The following PTPN21 variants were observed in gnomAD, a reference collection of about 807,000 sequenced individuals.
PTPN21 encodes the protein protein tyrosine phosphatase non-receptor type 21, also known as tyrosine-protein phosphatase non-receptor type 21.
A neutral mutation model predicts 131.8 loss-of-function variants in PTPN21; 77 were observed. That is an observed-to-expected ratio of 0.58 (90% CI 0.49 to 0.71). The LOEUF (loss-of-function observed/expected upper bound fraction) is 0.71, where lower values mean the gene tolerates loss of function less well. Ranked by LOEUF, PTPN21 falls within the 30% of genes least tolerant of loss-of-function variation. PTPN21 has a pLI of 0.00. For missense variants in PTPN21, 1,552 were observed against 1,527.1 expected (o/e 1.02, Z -0.27); for synonymous variants, 715 against 621.3 (o/e 1.15, Z -2.24).
chr14:88,505,154 G>A, intron 5 of PTPN21, 150 bp downstream of exon 5: 4 of 617,590 alleles, frequency 6.5e-6, no homozygotes, highest in Non-Finnish European at 1.1e-5. Context: ...AGGGAAAGCA[G>A]TCACACTTGA....
chr14:88,473,645 C>A lies in PTPN21; in HGVS notation c.2649+20G>T. The A allele has an allele frequency of 6.3e-7, 1 of 1,599,270 alleles. No homozygotes were observed. Among genetic ancestry groups the A allele is most frequent in the Non-Finnish European group, 8.5e-7 (1 of 1,176,418 alleles). ...GGTTGTTCCAGAGAAGGCACAAAGC[C>A]CTGTGTGTCCCATACATACCCTTTC... On this transcript the variant is annotated intron_variant, in intron 14 of 18. Transcript: ENST00000556564.
chr14:88,554,862 G>C lies in PTPN21; in HGVS notation c.-414C>G, dbSNP rs1437521057. 1 of 152,240 alleles carries C rather than the reference G, an allele frequency of 6.6e-6. No individual in the cohort carries two copies. The highest frequency in any genetic ancestry group is 1.9e-4 in the East Asian group (1 of 5,188). The allele number at this position is 152,240 out of a possible 1,614,324, so 9.4% of individuals were successfully genotyped here. On this transcript the variant is annotated 5_prime_UTR_variant, in exon 1 of 19. Transcript: ENST00000556564. ...CAGAGTCCGGCGGTGGCGACGGCGA[G>C]GGGCGAGGCCTGGAGGTGGGACCGG...
chr14:88,531,572 C>CA (rs1465000507), intron 2 of PTPN21, among the ~76,000 whole-genome samples: 3 of 151,842 alleles, frequency 2.0e-5, no homozygotes, highest in South Asian at 2.1e-4. Context: ...AACAAACAAA[C>CA]AAAAAACCTC....
intron 3 of PTPN21, chr14:88,512,390 G>T (rs2078199220): frequency 6.6e-6 from 1 of 151,910 alleles, no homozygotes; most frequent in Admixed American, 6.6e-5. Flanking sequence ...TCCAAACAAG[G>T]TCTACAGATT....
Position 88,501,340 on chromosome 14 carries a change from G to A in PTPN21, c.616C>T (p.Leu206=). 1 of 1,614,028 alleles carries A rather than the reference G, an allele frequency of 6.2e-7. No homozygotes were observed. The highest frequency in any genetic ancestry group is 8.5e-7 in the Non-Finnish European group (1 of 1,179,930). Residue 206 remains leucine, a synonymous_variant, in exon 7 of 19, where the codon CTG becomes TTG. Transcript: ENST00000556564. ...ATTCTCTCTACCTCCTGCATGTACA[G>A]CATTTCAGCATCAGGAGCTGTGAGC... ...RGLTAPDAEM[L]YMQEVERMDG...
intron 3 of PTPN21, among the ~76,000 whole-genome samples, chr14:88,510,031 G>A (rs1039613518): frequency 6.6e-6 from 1 of 152,136 alleles, no homozygotes; most frequent in Non-Finnish European, 1.5e-5. Flanking sequence ...GAGAGAGTCT[G>A]TCTCAAAACA....
At chr14:88,473,491 TAA>T (rs568942425) in intron 14 of PTPN21, among the ~76,000 whole-genome samples, 172 bp downstream of exon 14, 192 of 152,270 alleles carry the variant, frequency 1.3e-3, no homozygotes, top group African/African-American at 4.4e-3. Context: ...AATTATCTAT[TAA>T]GACATTAGCT....
At chr14:88,486,674 T>C (rs2077738080) in intron 10 of PTPN21, among the ~76,000 whole-genome samples, 1 of 152,092 alleles carries the variant, frequency 6.6e-6, no homozygotes, top group East Asian at 1.9e-4. Flanking sequence ...GTTTTGAATA[T>C]ACTTTTTAAA....
intron 2 of PTPN21, among the ~76,000 whole-genome samples, chr14:88,538,922 T>G (rs543633197): frequency 6.6e-6 from 1 of 152,330 alleles, no homozygotes; most frequent in South Asian, 2.1e-4. Context: ...CAAAAGTGTC[T>G]CATGCAAACA....
intron 2 of PTPN21, among the ~76,000 whole-genome samples, chr14:88,522,161 T>C (rs1469604739): frequency 1.3e-5 from 2 of 152,118 alleles, no homozygotes; most frequent in East Asian, 3.9e-4. Context: ...GCGTGGTGGA[T>C]TGTGCCTGTA....
chr14:88,551,775 C>G (rs1443215739), intron 1 of PTPN21: 1 of 152,466 alleles, frequency 6.6e-6, no homozygotes, highest in Admixed American at 6.5e-5. Context: ...CACCTGGGCT[C>G]AAGCGATCCT....
At position 88,485,081 on chromosome 14, in the gene PTPN21, G is replaced by T; in HGVS notation, c.1073C>A (p.Ser358Tyr). The T allele has an allele frequency of 6.3e-7, 1 of 1,588,544 alleles. No individual in the cohort carries two copies. The highest frequency in any genetic ancestry group is 8.6e-7 in the Non-Finnish European group (1 of 1,156,802). The change falls in exon 12 of 19, where the codon TCC (serine) becomes TAC (tyrosine). Residue 358 changes from serine (S) to tyrosine (Y), a missense_variant. Physicochemically the swap from Ser to Tyr is moderately radical, Grantham distance 144. This residue lies in a region of PTPN21 where 1,016 missense variants were observed against 883.5 expected (regional missense o/e 1.15). Transcript: ENST00000556564. ...NGHYTEPYAS[S>Y]QDNLFVPNQN... ...GCAGAAACAGTGTACTTTACCTTGG[G>T]AAGAAGCATATGGTTCTGTATAATG...
At chr14:88,510,213 T>C (rs933271238) in intron 3 of PTPN21, among the ~76,000 whole-genome samples, 1 of 152,224 alleles carries the variant, frequency 6.6e-6, no homozygotes, top group Non-Finnish European at 1.5e-5. Flanking sequence ...TCAAAGTTTC[T>C]GTTTAAATGC....
intron 3 of PTPN21, among the ~76,000 whole-genome samples, chr14:88,512,913 G>A (rs1032972366): frequency 2.0e-5 from 3 of 152,112 alleles, no homozygotes; most frequent in East Asian, 1.9e-4. Flanking sequence ...TTACAGTGAC[G>A]CTGACATTGC....
At chr14:88,475,217 C>T (rs2077532545) in intron 13 of PTPN21, among the ~76,000 whole-genome samples, 1 of 152,166 alleles carries the variant, frequency 6.6e-6, no homozygotes, top group African/African-American at 2.4e-5. Context: ...GTTATTCCAG[C>T]TCTCTCAGCC....
At chr14:88,470,873 ATGAGGTCCCACAACACAGCTTATAAAG>A (rs761570739) in intron 15 of PTPN21, among the ~76,000 whole-genome samples, 69 of 152,194 alleles carry the variant, frequency 4.5e-4, no homozygotes, top group African/African-American at 6.5e-4. Flanking sequence ...TGTAAGTGAG[ATGAGGTCCCACAACACAGCTTATAAAG>A]TGAGGTCCCA....
chr14:88,524,564 A>G (rs1290151482), intron 2 of PTPN21, among the ~76,000 whole-genome samples: 2 of 152,210 alleles, frequency 1.3e-5, no homozygotes, highest in African/African-American at 4.8e-5. Flanking sequence ...CTTGAGTATA[A>G]CACCAAAAAC....
chr14:88,552,146 C>T (rs999996452), intron 1 of PTPN21: 2 of 152,328 alleles, frequency 1.3e-5, no homozygotes, highest in African/African-American at 4.8e-5. Flanking sequence ...AGAGAAGCGG[C>T]TTTCGCAGTT....
chr14:88,552,393 G>C (rs190292909), intron 1 of PTPN21: 1 of 152,228 alleles, frequency 6.6e-6, no homozygotes, highest in South Asian at 2.1e-4. Context: ...ACAGCGTAAT[G>C]AGCATCGTGA....
Sources: allele counts gnomAD v4.1 joint callset (sites outside exome capture counted in the v4.1 genomes callset), GRCh38; gene constraint gnomAD v4.1.1; regional missense constraint gnomAD v4.1.1; transcripts MANE v1.5; gene names NCBI Gene and HGNC (gene_info 2026-07-23, HGNC 2026-07-21).